Variants in BEND2 observed in about 807,000 individuals in gnomAD.
The protein encoded by BEND2 is BEN domain containing 2, also known as BEN domain-containing protein 2.
A neutral mutation model predicts 43.8 loss-of-function variants in BEND2; 19 were observed. That is an observed-to-expected ratio of 0.43 (90% CI 0.30 to 0.64). The LOEUF (loss-of-function observed/expected upper bound fraction) is 0.64. Among genes scored for constraint, BEND2 ranks in the 30% least tolerant of loss-of-function variants. The probability of loss-of-function intolerance (pLI) is 0.11; values close to 1 mark genes in which losing one functional copy is unlikely to be tolerated. For missense variants in BEND2, 544 were observed against 574.0 expected, an observed-to-expected ratio of 0.95 and a Z score of 0.53; for synonymous variants, 226 against 210.1, an observed-to-expected ratio of 1.08 and a Z score of -0.66.
At position 18,203,636 on chromosome X, in the gene BEND2, G is replaced by A. The variant is rs767052793; in HGVS notation, c.772C>T (p.Pro258Ser). Residue 258 changes from proline (P) to serine (S), a missense_variant, in exon 5 of 14, where the codon CCT becomes TCT. Coordinates refer to ENST00000380033, the MANE Select transcript of BEND2 (RefSeq NM_153346.5). ...ISFANATTAV[P>S]MAVLSRRESS... Reference sequence around the variant, plus strand: ...TCTCTTCGTGACAGAACTGCCATAGGTACTGCTGTAGTAGCATTGGCAAAT... The same window carrying A: ...TCTCTTCGTGACAGAACTGCCATAGATACTGCTGTAGTAGCATTGGCAAAT... 1 of 1,211,342 alleles carries A rather than the reference G, an allele frequency of 8.3e-7. No individual in the cohort carries two copies. The highest frequency in any genetic ancestry group is 3.0e-5 in the East Asian group (1 of 33,843).
chrX:18,216,221 A>G (rs1925668702), intron 2 of BEND2, among the ~76,000 whole-genome samples: 1 of 110,822 alleles, frequency 9.0e-6, no homozygotes, highest in Admixed American at 9.7e-5. Context: ...TTAGCTTTTT[A>G]CTTTTGCATT....
At chrX:18,194,972 AACACACACACACACAC>A (rs201244726) in intron 7 of BEND2, among the ~76,000 whole-genome samples, 124 of 99,329 alleles carry the variant, frequency 1.2e-3, no homozygotes, top group African/African-American at 4.2e-3. Flanking sequence ...CATAGTACTA[AACACACACACACACAC>A]ACACACACAC....
At chrX:18,187,511 C>T (rs1009384495) in intron 8 of BEND2, among the ~76,000 whole-genome samples, 1 of 111,708 alleles carries the variant, frequency 9.0e-6, no homozygotes, top group African/African-American at 3.2e-5. Context: ...ATTATTAGAG[C>T]TAAAGAGAGA....
intron 8 of BEND2, among the ~76,000 whole-genome samples, chrX:18,190,377 C>G (rs765305418): frequency 9.0e-6 from 1 of 111,471 alleles, no homozygotes; most frequent in Non-Finnish European, 1.9e-5. Flanking sequence ...TGAAATAGTA[C>G]TCAGCAATAA....
intron 8 of BEND2, among the ~76,000 whole-genome samples, chrX:18,190,363 A>G (rs918433664): frequency 5.4e-5 from 6 of 111,948 alleles, no homozygotes; most frequent in African/African-American, 1.9e-4. Context: ...ATAAATCCAT[A>G]CCATGAAATA....
At chrX:18,211,656 T>G (rs5955949) in intron 4 of BEND2, among the ~76,000 whole-genome samples, 24,527 of 109,618 alleles carry the variant, frequency 0.22, 2,260 homozygotes, top group East Asian at 0.34. Context: ...GGTGGCGGGC[T>G]CCTGTAATTC....
At chrX:18,205,112 A>G (rs73636677) in intron 4 of BEND2, among the ~76,000 whole-genome samples, 1 of 111,285 alleles carries the variant, frequency 9.0e-6, no homozygotes, top group African/African-American at 3.3e-5. Flanking sequence ...TAAAAATCTG[A>G]GAATTCTTCT....
At chrX:18,182,280 C>T (rs768943920) in intron 8 of BEND2, among the ~76,000 whole-genome samples, 1 of 110,449 alleles carries the variant, frequency 9.1e-6, no homozygotes, top group Non-Finnish European at 1.9e-5. Flanking sequence ...GTCTCTCCTG[C>T]CACCATGTGA....
chrX:18,184,338 C>T (rs990264327), intron 8 of BEND2, among the ~76,000 whole-genome samples: 6 of 111,425 alleles, frequency 5.4e-5, no homozygotes, highest in Admixed American at 9.5e-5. Flanking sequence ...AAAAATTAGC[C>T]GGGCATGGTG....
intron 8 of BEND2, among the ~76,000 whole-genome samples, chrX:18,184,426 G>C (rs1270191644): frequency 1.8e-5 from 2 of 112,071 alleles, no homozygotes; most frequent in Non-Finnish European, 3.8e-5. Context: ...AGATTGCAGT[G>C]AGCAGAGATC....
intron 7 of BEND2, among the ~76,000 whole-genome samples, chrX:18,194,786 A>G (rs932526957): frequency 4.5e-5 from 5 of 111,154 alleles, no homozygotes; most frequent in African/African-American, 1.6e-4. Context: ...ACAGAGATAA[A>G]GAAGAGATCA....
chrX:18,173,682 T>A (rs1476318954), intron 12 of BEND2, among the ~76,000 whole-genome samples: 14 of 111,447 alleles, frequency 1.3e-4, no homozygotes, highest in Non-Finnish European at 2.6e-4. Context: ...AAAATCCTAC[T>A]GCGCACCTGC....
chrX:18,174,796 C>T, intron 11 of BEND2, among the ~76,000 whole-genome samples: 1 of 110,601 alleles, frequency 9.0e-6, no homozygotes, highest in South Asian at 3.9e-4. Context: ...CTAATATGCA[C>T]CCAGGGTTGA....
At chrX:18,190,764 TCTCACA>T (rs1241410393) in intron 8 of BEND2, among the ~76,000 whole-genome samples, 4 of 88,867 alleles carry the variant, frequency 4.5e-5, no homozygotes, top group East Asian at 8.7e-4. Context: ...TCTCTCTCTC[TCTCACA>T]CACACACACA....
chrX:18,183,716 G>C (rs920841721), intron 8 of BEND2, among the ~76,000 whole-genome samples: 2 of 112,040 alleles, frequency 1.8e-5, no homozygotes, highest in East Asian at 5.6e-4. Flanking sequence ...GAACAGCAGT[G>C]GTGGCCTGGA....
chrX:18,186,877 A>T (rs776411480), intron 8 of BEND2, among the ~76,000 whole-genome samples: 14 of 108,416 alleles, frequency 1.3e-4, no homozygotes, highest in Admixed American at 4.0e-4. Flanking sequence ...TGAGGTGGGA[A>T]GATCGCTTGA....
intron 1 of BEND2, among the ~76,000 whole-genome samples, chrX:18,220,206 C>T (rs1045246074): frequency 2.7e-5 from 3 of 112,426 alleles, no homozygotes; most frequent in East Asian, 5.7e-4. Context: ...TATGCCAAAA[C>T]GCTGAACAGG....
intron 6 of BEND2, among the ~76,000 whole-genome samples, chrX:18,196,814 G>C (rs939402106): frequency 2.7e-5 from 3 of 111,220 alleles, no homozygotes; most frequent in African/African-American, 9.8e-5. Flanking sequence ...GGGAAGAAAA[G>C]GGTGACCTGA....
intron 7 of BEND2, among the ~76,000 whole-genome samples, chrX:18,194,797 G>T (rs189810652): frequency 9.0e-6 from 1 of 111,177 alleles, no homozygotes; most frequent in Non-Finnish European, 1.9e-5. Context: ...GAAGAGATCA[G>T]TGGAAGCCAG....
Sources: gnomAD v4.1 joint callset for allele counts (sites outside exome capture counted in the v4.1 genomes callset) on GRCh38, gnomAD v4.1.1 for gene constraint, MANE v1.5 for transcripts, NCBI Gene and HGNC (gene_info 2026-07-23, HGNC 2026-07-21) for gene names.